NAV2: variants seen among roughly 807,000 people sequenced by gnomAD.
The protein encoded by NAV2 is neuron navigator 2.
NAV2 carries 54 observed loss-of-function variants against 223.2 expected under a neutral mutation model. The ratio of observed to expected loss-of-function variants is 0.24; its 90% CI spans 0.19 to 0.30. The LOEUF (loss-of-function observed/expected upper bound fraction) is 0.30, where lower values mean the gene tolerates loss of function less well. Among genes scored for constraint, NAV2 ranks in the 10% least tolerant of loss-of-function variants. The pLI, the probability that NAV2 is intolerant of heterozygous loss-of-function variation, is 1.00. For synonymous variants in NAV2, 1,279 were observed against 1,239.3 expected, an observed-to-expected ratio of 1.03 and a Z score of -0.67; for missense variants, 2,806 against 3,147.5, an observed-to-expected ratio of 0.89 and a Z score of 2.60.
intron 1 of NAV2, among the ~76,000 whole-genome samples, chr11:19,464,549 C>T (rs1852281589): frequency 6.6e-6 from 1 of 152,212 alleles, no homozygotes. Context: ...TCAGTTTTCT[C>T]ATCTGCAGAA....
intron 6 of NAV2, among the ~76,000 whole-genome samples, chr11:19,922,770 C>G (rs574942468): frequency 7.2e-5 from 11 of 152,198 alleles, no homozygotes; most frequent in African/African-American, 2.6e-4. Flanking sequence ...TTTCCAGGTC[C>G]AAAATTCTAA....
intron 1 of NAV2, among the ~76,000 whole-genome samples, chr11:19,402,238 C>A (rs1849717319): frequency 6.6e-6 from 1 of 152,194 alleles, no homozygotes; most frequent in Admixed American, 6.5e-5. Context: ...TGGTTCAAAT[C>A]TAGGTTTGCT....
chr11:19,379,046 G>C lies in NAV2; in HGVS notation c.75+28019G>C, dbSNP rs182782205. On this transcript the variant is annotated intron_variant, in intron 1 of 37. Transcript: ENST00000360655. ...GAATCTCTTCCCCAGTGTGTGCAGGGGCAGGGCAGAGAAGTTTCCTGGAAA... is the reference window on the plus strand; with the variant it reads ...GAATCTCTTCCCCAGTGTGTGCAGGCGCAGGGCAGAGAAGTTTCCTGGAAA... 2.0e-3 allele frequency among the ~76,000 whole-genome samples: 310 copies of C among 152,300 alleles called. 4 individuals carry two copies. Among genetic ancestry groups the C allele is most frequent in the African/African-American group, 7.2e-3 (299 of 41,556 alleles).
At chr11:19,911,031 ATTTT>A (rs996900212) in intron 6 of NAV2, among the ~76,000 whole-genome samples, 1 of 123,390 alleles carries the variant, frequency 8.1e-6, no homozygotes, top group African/African-American at 3.0e-5. Flanking sequence ...TTGCAAGCAC[ATTTT>A]TTTTTTTTTT....
At chr11:20,015,380 G>A (rs1473620901) in intron 11 of NAV2, among the ~76,000 whole-genome samples, 1 of 152,146 alleles carries the variant, frequency 6.6e-6, no homozygotes, top group Non-Finnish European at 1.5e-5. Context: ...TATTTAGAAA[G>A]CTACATCTAG....
intron 3 of NAV2, among the ~76,000 whole-genome samples, chr11:19,845,672 T>C (rs1042651104): frequency 1.3e-5 from 2 of 152,120 alleles, no homozygotes; most frequent in African/African-American, 4.8e-5. Flanking sequence ...GAAGGCACCT[T>C]TTCCTCCCTC....
In NAV2 at chr11:19,584,685, A is replaced by C. The variant is rs567425806; in HGVS notation, c.75+233658A>C. Among the ~76,000 whole-genome samples the C allele has an allele frequency of 2.0e-5, 3 of 152,114 alleles. No homozygotes were observed. The East Asian group carries it at 5.8e-4, about 29-fold the overall frequency. On this transcript the variant is annotated intron_variant, in intron 1 of 37. Coordinates refer to the NAV2 transcript ENST00000360655. Reference sequence around the variant, plus strand: ...TTGTTCAGTTTCCATGTAGTTGAGCAGTTTTGAGTGATTTTCTTAATCTTG... The same window carrying C: ...TTGTTCAGTTTCCATGTAGTTGAGCCGTTTTGAGTGATTTTCTTAATCTTG...
At chr11:20,012,811 C>A (rs1311547613) in intron 11 of NAV2, among the ~76,000 whole-genome samples, 1 of 152,154 alleles carries the variant, frequency 6.6e-6, no homozygotes, top group African/African-American at 2.4e-5. Context: ...AATTACCAGT[C>A]TCAAGGCAAA....
chr11:19,925,932 CTA>C (rs1783972331), intron 6 of NAV2, among the ~76,000 whole-genome samples: 1 of 152,062 alleles, frequency 6.6e-6, no homozygotes, highest in Admixed American at 6.5e-5. Flanking sequence ...GTCCACTGGT[CTA>C]TATGTCTGTC....
intron 1 of NAV2, among the ~76,000 whole-genome samples, chr11:19,395,454 A>G (rs775109469): frequency 1.6e-4 from 25 of 152,230 alleles, no homozygotes; most frequent in Non-Finnish European, 3.1e-4. Context: ...ATGGCCAGAC[A>G]TGGTTGAGGC....
At chr11:19,709,016 G>A (rs2049768305), upstream of NAV2, among the ~76,000 whole-genome samples, 1 of 151,904 alleles carries the variant, frequency 6.6e-6, no homozygotes. Flanking sequence ...TCCAATGCTT[G>A]CAAAACATTG....
chr11:19,560,022 C>A (rs2045042688), intron 1 of NAV2, among the ~76,000 whole-genome samples: 1 of 152,242 alleles, frequency 6.6e-6, no homozygotes, highest in African/African-American at 2.4e-5. Flanking sequence ...CTGCAGGAAC[C>A]AGAAGCTGTG....
chr11:20,077,551 G>A lies in NAV2; in HGVS notation c.4984-1G>A, dbSNP rs1227601931. Reference sequence around the variant, plus strand: ...AACTGAGGTTGTGTCTTCCCCTCCAGGCTCACCTTGTGGCAGCCTTTGAAC... The same window carrying A: ...AACTGAGGTTGTGTCTTCCCCTCCAAGCTCACCTTGTGGCAGCCTTTGAAC... On this transcript the variant is annotated splice_acceptor_variant, in intron 22 of 37. Coordinates refer to ENST00000349880, the MANE Select transcript of NAV2 (RefSeq NM_145117.5). LOFTEE classifies it high-confidence loss of function. The A allele has an allele frequency of 6.2e-7, 1 of 1,612,910 alleles. No homozygotes were observed. Among genetic ancestry groups the A allele is most frequent in the Admixed American group, 1.7e-5 (1 of 60,016 alleles).
intron 6 of NAV2, among the ~76,000 whole-genome samples, chr11:19,899,506 A>G (rs1435121438): frequency 6.6e-6 from 1 of 152,144 alleles, no homozygotes; most frequent in African/African-American, 2.4e-5. Flanking sequence ...GTTTCAGGTT[A>G]CTTTCTTCAT....
chr11:19,574,730 G>C (rs2045522133), intron 1 of NAV2, among the ~76,000 whole-genome samples: 2 of 152,208 alleles, frequency 1.3e-5, no homozygotes, highest in South Asian at 4.1e-4. Flanking sequence ...ATTAGGTAGA[G>C]AGAAAGGAAA....
chr11:19,612,782 C>T (rs2046680790), intron 1 of NAV2, among the ~76,000 whole-genome samples: 1 of 152,184 alleles, frequency 6.6e-6, no homozygotes, highest in South Asian at 2.1e-4. Context: ...CTTCTGAGAC[C>T]TCCAAACTGT....
intron 1 of NAV2, among the ~76,000 whole-genome samples, chr11:19,501,786 G>A (rs2042970337): frequency 6.6e-6 from 1 of 151,904 alleles, no homozygotes; most frequent in African/African-American, 2.4e-5. Context: ...GCTTGGCAGT[G>A]TGACTTCATG....
intron 1 of NAV2, among the ~76,000 whole-genome samples, chr11:19,463,143 C>G (rs1427323363): frequency 1.3e-5 from 2 of 152,184 alleles, no homozygotes; most frequent in Non-Finnish European, 2.9e-5. Flanking sequence ...CTCCAAATAT[C>G]TATAACTTCA....
At chr11:19,616,435 G>T (rs768770646) in intron 1 of NAV2, among the ~76,000 whole-genome samples, 1 of 151,986 alleles carries the variant, frequency 6.6e-6, no homozygotes, top group Non-Finnish European at 1.5e-5. Context: ...TCTCCCAAGG[G>T]TGTCCATAGA....
Sources: gnomAD v4.1 joint callset for allele counts (sites outside exome capture counted in the v4.1 genomes callset) on GRCh38, gnomAD v4.1.1 for gene constraint, MANE v1.5 for transcripts, NCBI Gene and HGNC (gene_info 2026-07-23, HGNC 2026-07-21) for gene names.